ATP2C1: variants seen among roughly 807,000 people sequenced by gnomAD.
ATP2C1 encodes the protein ATPase secretory pathway Ca2+ transporting 1.
Under a neutral mutation model 120.5 loss-of-function variants are expected in ATP2C1, and 31 were observed. That is an observed-to-expected ratio of 0.26 (90% CI 0.19 to 0.35). ATP2C1 has a LOEUF of 0.35. Among genes scored for constraint, ATP2C1 ranks in the 10% least tolerant of loss-of-function variants. The probability of loss-of-function intolerance (pLI) is 1.00; values close to 1 mark genes in which losing one functional copy is unlikely to be tolerated. For synonymous variants in ATP2C1, 351 were observed against 358.7 expected (o/e 0.98, Z 0.24); for missense variants, 731 against 1,107.5 (o/e 0.66, Z 4.83).
intron 1 of ATP2C1, among the ~76,000 whole-genome samples, chr3:130,871,575 A>G (rs926101215): frequency 1.3e-5 from 2 of 152,252 alleles, no homozygotes; most frequent in Admixed American, 6.5e-5. Context: ...AGGGCTTGTC[A>G]TACCTACTCA....
intron 2 of ATP2C1, among the ~76,000 whole-genome samples, chr3:130,908,970 G>A (rs186274430): frequency 2.6e-5 from 4 of 152,096 alleles, no homozygotes; most frequent in Admixed American, 2.6e-4. Flanking sequence ...AGTTGTGATT[G>A]TGCTAGTTTT....
chr3:130,936,176 T>C (rs1459691789), intron 5 of ATP2C1, among the ~76,000 whole-genome samples: 1 of 152,136 alleles, frequency 6.6e-6, no homozygotes, highest in Non-Finnish European at 1.5e-5. Context: ...TTATTCCAAT[T>C]AGATCAGTAG....
intron 8 of ATP2C1, among the ~76,000 whole-genome samples, chr3:130,943,808 A>C (rs974133802): frequency 4.6e-5 from 7 of 152,198 alleles, no homozygotes; most frequent in African/African-American, 1.7e-4. Context: ...TTCCTTAAAG[A>C]GTTGGGGATC....
downstream of ATP2C1, chr3:131,003,230 G>C: frequency 1.2e-6 from 1 of 854,804 alleles, no homozygotes; most frequent in Non-Finnish European, 1.4e-6. Context: ...TATCCATATG[G>C]ATGCTGGAGA....
chr3:131,001,348 T>C lies in ATP2C1; in HGVS notation c.2758T>C (p.Ter920ArgextTer15). Reference protein sequence around the residue: ...SSTSSSFLEV* With the variant: ...SSTSSSFLEVR Reference sequence around the variant, plus strand: ...GACATCATCATCTTTTCTTGAAGTATGATGCATATTGCATTATTTTATTTG... The same window carrying C: ...GACATCATCATCTTTTCTTGAAGTACGATGCATATTGCATTATTTTATTTG... The change falls in exon 28 of 28, where the codon TGA becomes CGA. Residue 920 changes from the stop codon to arginine (R), a stop_lost. Coordinates refer to ENST00000510168, the MANE Select transcript of ATP2C1 (RefSeq NM_001378687.1). 1 of 1,613,246 alleles carries C rather than the reference T, an allele frequency of 6.2e-7. No homozygotes were observed. Among genetic ancestry groups the C allele is most frequent in the Non-Finnish European group, 8.5e-7 (1 of 1,179,498 alleles).
intron 4 of ATP2C1, among the ~76,000 whole-genome samples, chr3:130,932,600 G>A (rs969165481): frequency 6.6e-5 from 10 of 151,980 alleles, no homozygotes; most frequent in Admixed American, 2.6e-4. Context: ...ATAACCTTAC[G>A]GGAGATAGTT....
chr3:130,985,900 T>C (rs2061987368), intron 20 of ATP2C1, among the ~76,000 whole-genome samples: 1 of 152,174 alleles, frequency 6.6e-6, no homozygotes, highest in South Asian at 2.1e-4. Flanking sequence ...GGCACTGCTG[T>C]TTTTGAAATT....
intron 20 of ATP2C1, among the ~76,000 whole-genome samples, chr3:130,985,357 G>T (rs1053598156): frequency 3.5e-4 from 53 of 152,194 alleles, no homozygotes; most frequent in African/African-American, 1.2e-3. Context: ...TAATGGCCGG[G>T]TGTGGTGGCT....
In ATP2C1 at chr3:130,969,415, A is replaced by T. The variant is rs1333323856; in HGVS notation, c.1413+19A>T. 1 of 1,583,082 alleles carries T rather than the reference A, an allele frequency of 6.3e-7. No homozygotes were observed. The highest frequency in any genetic ancestry group is 1.7e-5 in the Admixed American group (1 of 59,924). ...ACAGCAGGTATCCATCTGTTTAAAG[A>T]ATACTTATTTCCTGTTTAGCTTAGA... On this transcript the variant is annotated intron_variant, in intron 17 of 27. Coordinates refer to ENST00000510168, the MANE Select transcript of ATP2C1 (RefSeq NM_001378687.1).
downstream of ATP2C1, among the ~76,000 whole-genome samples, chr3:131,005,862 G>A (rs2063087727): frequency 6.6e-6 from 1 of 152,126 alleles, no homozygotes; most frequent in South Asian, 2.1e-4. Flanking sequence ...CTGTTATTAA[G>A]GTTACTGACT....
Position 130,956,198 on chromosome 3 carries a change from T to C in ATP2C1, c.832+19T>C, listed in dbSNP as rs766989158. On this transcript the variant is annotated intron_variant, in intron 11 of 27. Transcript: ENST00000510168. ...ATAATAGGTAAGAGAAGAGTGAGTA[T>C]GTATATATTTTTATTTGAGTTTTGT... The C allele has an allele frequency of 4.7e-6, 7 of 1,484,266 alleles. No individual in the cohort carries two copies. Among genetic ancestry groups the C allele is most frequent in the Non-Finnish European group, 5.6e-6 (6 of 1,064,888 alleles). The allele number at this position is 1,484,266 out of a possible 1,614,324, so 91.9% of individuals were successfully genotyped here. A position where few individuals can be genotyped will look rare whatever the true frequency, so the allele number is the denominator to read the frequency against.
intron 2 of ATP2C1, among the ~76,000 whole-genome samples, chr3:130,916,910 G>A: frequency 6.6e-6 from 1 of 152,086 alleles, no homozygotes; most frequent in Non-Finnish European, 1.5e-5. Flanking sequence ...AATGTGTACT[G>A]ACTGATTTCA....
chr3:130,997,133 T>C (rs529146947), intron 24 of ATP2C1, among the ~76,000 whole-genome samples: 2 of 152,248 alleles, frequency 1.3e-5, no homozygotes, highest in African/African-American at 4.8e-5. Flanking sequence ...TTATCTAGGT[T>C]CTACTGTCAG....
intron 2 of ATP2C1, among the ~76,000 whole-genome samples, chr3:130,899,975 A>G (rs1395489810): frequency 1.3e-5 from 2 of 152,164 alleles, no homozygotes; most frequent in Non-Finnish European, 2.9e-5. Context: ...TTTCGTAAAC[A>G]TGCTGACCTA....
chr3:130,943,853 G>A (rs2060026265), intron 8 of ATP2C1, among the ~76,000 whole-genome samples: 1 of 152,174 alleles, frequency 6.6e-6, no homozygotes, highest in Non-Finnish European at 1.5e-5. Flanking sequence ...ACTGACTTAG[G>A]ATATAGACTG....
In ATP2C1 at chr3:130,923,479, A is replaced by G. The variant is rs150497062; in HGVS notation, c.7-6937A>G. 4.8e-3 allele frequency among the ~76,000 whole-genome samples: 727 copies of G among 152,024 alleles called. 5 individuals are homozygous for G. The highest frequency in any genetic ancestry group is 0.016 in the African/African-American group (661 of 41,474). ...TGATCCACCTGTGTCAGCCTTCCAA[A>G]GTGCTGGGGTTACAGGCGTGAGCCA... On this transcript the variant is annotated intron_variant, in intron 2 of 27. Transcript: ENST00000510168.
chr3:130,919,166 T>C (rs2058827574), intron 2 of ATP2C1: 1 of 243,434 alleles, frequency 4.1e-6, no homozygotes, highest in East Asian at 1.3e-4. Flanking sequence ...CTAGAGAGGC[T>C]GGGCTGGAGG....
chr3:130,950,236 T>C (rs2060314133), intron 8 of ATP2C1, among the ~76,000 whole-genome samples: 1 of 152,134 alleles, frequency 6.6e-6, no homozygotes. Context: ...TATATTCTGA[T>C]TTTTGAACTG....
intron 18 of ATP2C1, 38 bp from the exon 19 acceptor site, chr3:130,979,211 T>G (rs2061651456): frequency 6.3e-7 from 1 of 1,578,928 alleles, no homozygotes; most frequent in East Asian, 2.3e-5. Flanking sequence ...CATGACTCAC[T>G]TTTTTTTGTT....
Sources: gnomAD v4.1 joint callset for allele counts (sites outside exome capture counted in the v4.1 genomes callset) on GRCh38, gnomAD v4.1.1 for gene constraint, MANE v1.5 for transcripts, NCBI Gene and HGNC (gene_info 2026-07-23, HGNC 2026-07-21) for gene names.